SYT1: variants seen among roughly 807,000 people sequenced by gnomAD.
SYT1 encodes the protein synaptotagmin-1.
Under a neutral mutation model 44.8 loss-of-function variants are expected in SYT1, and 8 were observed. The ratio of observed to expected loss-of-function variants is 0.18; its 90% CI spans 0.10 to 0.32. The LOEUF (loss-of-function observed/expected upper bound fraction) is 0.32, where lower values mean the gene tolerates loss of function less well. Ranked by LOEUF, SYT1 falls within the 10% of genes least tolerant of loss-of-function variation. The pLI is 1.00. For missense variants in SYT1, 286 were observed against 509.3 expected (o/e 0.56, Z 4.22); for synonymous variants, 154 against 188.8 (o/e 0.82, Z 1.51).
intron 9 of SYT1, among the ~76,000 whole-genome samples, chr12:79,439,674 C>A (rs1245688647): frequency 6.6e-6 from 1 of 152,048 alleles, no homozygotes; most frequent in African/African-American, 2.4e-5. Context: ...TGTGGTAACT[C>A]AATTTAATTT....
At chr12:79,448,420 C>A (rs1183281380) in intron 10 of SYT1, among the ~76,000 whole-genome samples, 1 of 151,980 alleles carries the variant, frequency 6.6e-6, no homozygotes, top group Non-Finnish European at 1.5e-5. Flanking sequence ...CATGCTGTCC[C>A]CCCACCCTTA....
rs1491500390 is a variant in SYT1, at chr12:79,293,404, A to AT, written c.474+1275dup. ...ATAAAATAAAATAAAATAAAATAAA[A>AT]TAAAATTAAAAAATCTGTAAGACAT... On this transcript the variant is annotated intron_variant, in intron 6 of 10. Coordinates refer to ENST00000261205, the MANE Select transcript of SYT1 (RefSeq NM_005639.3). Among the ~76,000 whole-genome samples, 36 of 60,380 alleles carry AT rather than the reference A, an allele frequency of 6.0e-4. No individual in the cohort carries two copies. The East Asian group carries it at 0.035, about 58-fold the overall frequency. The allele number at this position is 60,380 out of a possible 152,430, so 39.6% of individuals were successfully genotyped here. A position where few individuals can be genotyped will look rare whatever the true frequency, so the allele number is the denominator to read the frequency against.
intron 1 of SYT1, among the ~76,000 whole-genome samples, chr12:78,876,921 A>AC (rs1874199618): frequency 3.6e-5 from 1 of 28,104 alleles, no homozygotes; most frequent in Non-Finnish European, 9.3e-5. Flanking sequence ...TATTATATAT[A>AC]ATATATATTA....
intron 2 of SYT1, among the ~76,000 whole-genome samples, chr12:79,026,690 T>TATATAG: frequency 7.2e-6 from 1 of 139,620 alleles, no homozygotes; most frequent in South Asian, 2.3e-4. Context: ...TATATATATA[T>TATATAG]ATATATATAT....
intron 8 of SYT1, among the ~76,000 whole-genome samples, chr12:79,349,918 A>T (rs888675009): frequency 6.6e-6 from 1 of 152,206 alleles, no homozygotes; most frequent in Admixed American, 6.5e-5. Flanking sequence ...TAATTCTTCT[A>T]TGTTGATGGA....
intron 3 of SYT1, among the ~76,000 whole-genome samples, chr12:79,141,147 A>G (rs1455514630): frequency 6.6e-6 from 1 of 152,198 alleles, no homozygotes; most frequent in Non-Finnish European, 1.5e-5. Flanking sequence ...ATTCAGCAAC[A>G]AATATTTATT....
chr12:79,426,398 A>C lies in SYT1; in HGVS notation c.929-17675A>C, dbSNP rs539977423. Among the ~76,000 whole-genome samples, 293 of 152,198 alleles carry C rather than the reference A, an allele frequency of 1.9e-3. 1 individual carries two copies. The Middle Eastern group carries it at 0.024, about 12-fold the overall frequency. ...TATTCATACCACAGGCAATTATTCA[A>C]GGAAAAAAAAAACATATTTCACAGC... On this transcript the variant is annotated intron_variant, in intron 9 of 10. Transcript: ENST00000261205.
chr12:79,354,911 T>A (rs1481471390), intron 9 of SYT1, among the ~76,000 whole-genome samples: 1 of 152,216 alleles, frequency 6.6e-6, no homozygotes, highest in Non-Finnish European at 1.5e-5. Context: ...GATTTCTTTG[T>A]ATCCTGTCTC....
chr12:79,312,973 A>C (rs1301244767), intron 8 of SYT1, among the ~76,000 whole-genome samples: 1 of 152,216 alleles, frequency 6.6e-6, no homozygotes, highest in East Asian at 1.9e-4. Context: ...TTGACAATGA[A>C]AGGAATACCT....
At chr12:79,384,874 T>G (rs1369666570) in intron 9 of SYT1, among the ~76,000 whole-genome samples, 5 of 152,202 alleles carry the variant, frequency 3.3e-5, no homozygotes, top group Non-Finnish European at 5.9e-5. Context: ...TGTTTATGTA[T>G]GGGTGTTTAA....
intron 1 of SYT1, among the ~76,000 whole-genome samples, chr12:78,977,224 A>G (rs894541448): frequency 2.6e-5 from 4 of 152,208 alleles, no homozygotes; most frequent in African/African-American, 9.6e-5. Context: ...TAGTATGTGC[A>G]GTATTTCAAA....
At chr12:78,986,991 C>T (rs565708515) in intron 2 of SYT1, among the ~76,000 whole-genome samples, 1 of 152,110 alleles carries the variant, frequency 6.6e-6, no homozygotes, top group East Asian at 1.9e-4. Flanking sequence ...AATAATAAAA[C>T]TTTCCTTTAA....
intron 3 of SYT1, among the ~76,000 whole-genome samples, chr12:79,205,305 G>A (rs73343564): frequency 0.015 from 2,325 of 151,930 alleles, 71 homozygotes; most frequent in African/African-American, 0.053. Context: ...TACACCTGAA[G>A]TTTTTATAAT....
intron 2 of SYT1, among the ~76,000 whole-genome samples, chr12:79,007,223 A>T (rs1449540817): frequency 6.6e-6 from 1 of 152,032 alleles, no homozygotes; most frequent in African/African-American, 2.4e-5. Flanking sequence ...GTTTAAATTC[A>T]TCCATAATTC....
At position 79,125,320 on chromosome 12, in the gene SYT1, A is replaced by G. The variant is rs149653546; in HGVS notation, c.-18+77958A>G. Among the ~76,000 whole-genome samples the G allele has an allele frequency of 6.6e-3, 1,001 of 152,156 alleles. 3 individuals are homozygous for G. The highest frequency in any genetic ancestry group is 0.012 in the Non-Finnish European group (830 of 68,010). The stretch of plus-strand genomic sequence containing the variant: ...TGGCAAACATTGTAAAGAAAGAAAA[A>G]TGTTCAGAGGCTGGGCGCAGTAGCA... On this transcript the variant is annotated intron_variant, in intron 3 of 10. Coordinates refer to ENST00000261205, the MANE Select transcript of SYT1 (RefSeq NM_005639.3).
intron 1 of SYT1, among the ~76,000 whole-genome samples, chr12:78,884,395 C>T (rs1183611456): frequency 6.6e-6 from 1 of 151,514 alleles, no homozygotes; most frequent in East Asian, 2.0e-4. Flanking sequence ...TTACTCTAAG[C>T]TAATTCAGTT....
At chr12:79,343,848 T>C (rs7961760) in intron 8 of SYT1, among the ~76,000 whole-genome samples, 12,780 of 152,188 alleles carry the variant, frequency 0.084, 1,172 homozygotes, top group African/African-American at 0.24. Context: ...CAATGGATTA[T>C]CTTATGAAAT....
At chr12:78,871,169 G>A (rs1873801797) in intron 1 of SYT1, among the ~76,000 whole-genome samples, 1 of 151,910 alleles carries the variant, frequency 6.6e-6, no homozygotes, top group Non-Finnish European at 1.5e-5. Context: ...ATAAGCACAT[G>A]CTTCATGGTC....
chr12:79,316,685 A>G (rs1314886181), intron 8 of SYT1, among the ~76,000 whole-genome samples: 1 of 152,304 alleles, frequency 6.6e-6, no homozygotes, highest in South Asian at 2.1e-4. Context: ...TATGTTGTCT[A>G]TCGTCCACCG....
Sources: allele counts gnomAD v4.1 joint callset (sites outside exome capture counted in the v4.1 genomes callset), GRCh38; gene constraint gnomAD v4.1.1; transcripts MANE v1.5; gene names NCBI Gene and HGNC (gene_info 2026-07-23, HGNC 2026-07-21).